Variants in GLA observed in about 807,000 individuals in gnomAD.
The protein encoded by GLA is galactosidase alpha.
In GLA, 4 loss-of-function variants were observed where a neutral mutation model predicts 28.2. The ratio of observed to expected loss-of-function variants is 0.14; its 90% confidence interval spans 0.07 to 0.32. The LOEUF (loss-of-function observed/expected upper bound fraction) is 0.32, where lower values mean the gene tolerates loss of function less well. Among genes scored for constraint, GLA ranks in the 10% least tolerant of loss-of-function variants. The pLI is 1.00. For missense variants in GLA, 203 were observed against 323.7 expected (o/e 0.63, Z 2.86); for synonymous variants, 94 against 113.0 (o/e 0.83, Z 1.07).
intron 2 of GLA, among the ~76,000 whole-genome samples, chrX:101,403,020 C>T (rs1928368155): frequency 9.0e-6 from 1 of 110,937 alleles, no homozygotes; most frequent in Non-Finnish European, 1.9e-5. Context: ...CATTTGTAGG[C>T]TAGGCGCGGT....
chrX:101,400,821 ATAGT>A (rs1928290896), intron 3 of GLA, 64 bp from the exon 4 acceptor site: 1 of 529,553 alleles, frequency 1.9e-6, no homozygotes, highest in South Asian at 3.1e-5. Context: ...GGCTATATAT[ATAGT>A]TATTTTATTT....
At chrX:101,403,286 G>A (rs1309403219) in intron 2 of GLA, among the ~76,000 whole-genome samples, 2 of 87,799 alleles carry the variant, frequency 2.3e-5, no homozygotes, top group African/African-American at 9.0e-5. Context: ...GAGACAGAAT[G>A]AGACTCCATC....
Position 101,400,919 on chromosome X carries a change from T to A in GLA, c.548-162A>T, listed in dbSNP as rs782253202. 438 of 315,543 alleles carry A rather than the reference T, an allele frequency of 1.4e-3. No homozygotes were observed. Among genetic ancestry groups the A allele is most frequent in the Non-Finnish European group, 2.2e-3 (396 of 182,274 alleles). 26.0% of individuals were successfully genotyped at this position (315,543 alleles called of 1,213,427 possible). A position where few individuals can be genotyped will look rare whatever the true frequency, so the allele number is the denominator to read the frequency against. ...GGTGCGATCTTGGCTCACTGCAACC[T>A]CTGTTTCCCAGGTTCAAGTGACTCT... On this transcript the variant is annotated intron_variant, in intron 3 of 6. Coordinates refer to ENST00000218516, the MANE Select transcript of GLA (RefSeq NM_000169.3).
In GLA at chrX:101,398,620, G is replaced by C. The variant is rs1928177783; in HGVS notation, c.802-53C>G. ...CAAGAGAGGAGGAAACATTCTTAAA[G>C]TTACCTAGATGACCCATATGGAGAA... On this transcript the variant is annotated intron_variant, in intron 5 of 6. Coordinates refer to ENST00000218516, the MANE Select transcript of GLA (RefSeq NM_000169.3). The C allele has an allele frequency of 1.7e-5, 19 of 1,088,249 alleles. No homozygotes were observed. The South Asian group carries it at 3.5e-4, about 20-fold the overall frequency. 89.7% of individuals were successfully genotyped at this position (1,088,249 alleles called of 1,213,427 possible).
At chrX:101,401,936 C>A in intron 2 of GLA, 127 bp from the exon 3 acceptor site, 1 of 602,056 alleles carries the variant, frequency 1.7e-6, no homozygotes, top group South Asian at 2.4e-5. Context: ...GGCTTTTCCC[C>A]ACAAACCCCC....
At chrX:101,400,881 G>A in intron 3 of GLA, 124 bp from the exon 4 acceptor site, 1 of 384,475 alleles carries the variant, frequency 2.6e-6, no homozygotes, top group Non-Finnish European at 4.6e-6. Context: ...TGTCATCCAG[G>A]GTGGAGTGCA....
At chrX:101,399,189 A>C (rs781836930) in intron 4 of GLA, among the ~76,000 whole-genome samples, 1 of 112,730 alleles carries the variant, frequency 8.9e-6, no homozygotes, top group East Asian at 2.8e-4. Flanking sequence ...GTCTTAGTAA[A>C]ATTAAAAGCT....
intron 1 of GLA, among the ~76,000 whole-genome samples, chrX:101,405,214 C>T (rs1402648159): frequency 1.6e-5 from 1 of 64,240 alleles, no homozygotes; most frequent in Non-Finnish European, 2.7e-5. Context: ...CCAGCCTGGG[C>T]AACAAGAGCG....
intron 1 of GLA, among the ~76,000 whole-genome samples, chrX:101,404,566 C>CTTTTTTT (rs1171364737): frequency 8.8e-5 from 7 of 79,192 alleles, no homozygotes; most frequent in South Asian, 6.0e-4. Context: ...TCCTTTTTAT[C>CTTTTTTT]TTTTTTTTTT....
At chrX:101,407,087 G>C (rs1433159136) in intron 1 of GLA, among the ~76,000 whole-genome samples, 2 of 112,305 alleles carry the variant, frequency 1.8e-5, no homozygotes, top group African/African-American at 6.5e-5. Context: ...AGGTGTAAAT[G>C]TATAAAGTTC....
At chrX:101,405,472 C>T (rs1441676606) in intron 1 of GLA, among the ~76,000 whole-genome samples, 1 of 111,254 alleles carries the variant, frequency 9.0e-6, no homozygotes, top group African/African-American at 3.3e-5. Flanking sequence ...TAGTAAGAAA[C>T]GTATATACTG....
intron 6 of GLA, 97 bp from the exon 7 acceptor site, chrX:101,398,196 T>G: frequency 1.2e-6 from 1 of 863,116 alleles, no homozygotes; most frequent in East Asian, 3.1e-5. Flanking sequence ...CAAGCACTTG[T>G]AGGAAAAATT....
At chrX:101,399,451 G>A (rs1032989342) in intron 4 of GLA, among the ~76,000 whole-genome samples, 1 of 111,948 alleles carries the variant, frequency 8.9e-6, no homozygotes, top group African/African-American at 3.3e-5. Flanking sequence ...TATAATCCCA[G>A]CTACTGGGAG....
rs144060196 is a variant in GLA at position 101,397,838 on chromosome X, T to C, written c.1261A>G (p.Met421Val). ...AGTAAGTCTTTTAATGACATCTGCA[T>C]TGTATTTTCTAGCTGAAGCAAAACA... ...GTVLLQLENT[M>V]QMSLKDLL is the part of the protein sequence containing the mutation. Residue 421 changes from methionine to valine, a missense_variant, in exon 7 of 7, where the codon ATG (methionine) becomes GTG (valine). Around this residue, in one of 3 missense-constraint regions of GLA, gnomAD observed 162 missense variants for 246.8 expected, o/e 0.66. Coordinates refer to ENST00000218516, the MANE Select transcript of GLA (RefSeq NM_000169.3). 7.5e-6 allele frequency: 9 copies of C among 1,205,032 alleles called. No individual in the cohort carries two copies. The African/African-American group carries it at 1.6e-4, about 21-fold the overall frequency.
At position 101,407,836 on chromosome X, in the gene GLA, G is replaced by C; in HGVS notation, c.68C>G (p.Ser23Cys). 1 of 1,211,563 alleles carries C rather than the reference G, an allele frequency of 8.3e-7. No individual in the cohort carries two copies. The highest frequency in any genetic ancestry group is 1.1e-6 in the Non-Finnish European group (1 of 895,153). Residue 23 changes from serine (S) to cysteine (C), a missense_variant, in exon 1 of 7, where the codon TCC (serine) becomes TGC (cysteine). By Grantham distance (112) the Ser-to-Cys change is moderately radical. Around this residue, in one of 3 missense-constraint regions of GLA, gnomAD observed 30 missense variants for 32.2 expected, o/e 0.93. Transcript: ENST00000218516. ...TGCTCTAGCCCCAGGGATGTCCCAG[G>C]AAACGAGGGCCAGGAAGCGAAGCGC... ...ALALRFLALV[S>C]WDIPGARALD...
chrX:101,407,744 G>C lies in GLA; in HGVS notation c.160C>G (p.Leu54Val). 2 of 1,211,353 alleles carry C rather than the reference G, an allele frequency of 1.7e-6. No homozygotes were observed. Among genetic ancestry groups the C allele is most frequent in the Admixed American group, 2.2e-5 (1 of 46,087 alleles). Residue 54 changes from leucine (L) to valine (V), a missense_variant, in exon 1 of 7, where the codon CTT (leucine) becomes GTT (valine). This residue lies in a region of GLA where 11 missense variants were observed against 44.6 expected (regional missense o/e 0.25). Coordinates refer to ENST00000218516, the MANE Select transcript of GLA (RefSeq NM_000169.3). ...WLHWERFMCN[L>V]DCQEEPDSCI... ...GAATCTGGCTCTTCCTGGCAGTCAAGGTTGCACATGAAGCGCTCCCAGTGC... is the reference window on the plus strand; with the variant it reads ...GAATCTGGCTCTTCCTGGCAGTCAACGTTGCACATGAAGCGCTCCCAGTGC...
At chrX:101,399,083 T>C (rs1928206108) in intron 4 of GLA, 137 bp from the exon 5 acceptor site, 3 of 535,760 alleles carry the variant, frequency 5.6e-6, no homozygotes, top group South Asian at 5.7e-5. Flanking sequence ...TAAACCCTTA[T>C]AATGAATTTT....
chrX:101,405,265 TAAAG>T (rs1928464955), intron 1 of GLA, among the ~76,000 whole-genome samples: 2 of 95,402 alleles, frequency 2.1e-5, no homozygotes, highest in South Asian at 9.9e-4. Context: ...AAAAAAAAGA[TAAAG>T]GAAGCTAGTG....
chrX:101,407,181 C>G (rs1555986964), intron 1 of GLA, among the ~76,000 whole-genome samples: 6 of 111,888 alleles, frequency 5.4e-5, no homozygotes. Flanking sequence ...CTCTAACTCC[C>G]TCGAGATACT....
Sources: gnomAD v4.1 joint callset for allele counts (sites outside exome capture counted in the v4.1 genomes callset) on GRCh38, gnomAD v4.1.1 for gene constraint, gnomAD v4.1.1 regional missense constraint, MANE v1.5 for transcripts, NCBI Gene and HGNC (gene_info 2026-07-23, HGNC 2026-07-21) for gene names.